PPP4R4: variants seen among roughly 807,000 people sequenced by gnomAD.
PPP4R4 encodes protein phosphatase 4 regulatory subunit 4, also known as serine/threonine-protein phosphatase 4 regulatory subunit 4.
Under a neutral mutation model 121.8 loss-of-function variants are expected in PPP4R4, and 70 were observed. The observed-to-expected ratio is 0.57, with a 90% CI of 0.47 to 0.70. The LOEUF is 0.70. PPP4R4 is among the 30% of genes least tolerant of loss of function. PPP4R4 has a pLI of 0.00. For missense variants in PPP4R4, 875 were observed against 1,033.6 expected (o/e 0.85, Z 2.10); for synonymous variants, 348 against 355.7 (o/e 0.98, Z 0.24).
At position 94,266,978 on chromosome 14, in the gene PPP4R4, T is replaced by TATA; in HGVS notation, c.2399_2401dup (p.Tyr800_Thr801insAsn). On this transcript the variant is annotated inframe_insertion, in exon 23 of 25. Transcript: ENST00000304338. ...TTCTAGTAAAAGTTCTACAACAGGA[T>TATA]ATACAACTTCTGTCTCAGGGTTAGG... 6.3e-7 allele frequency: 1 copy of TATA among 1,591,580 alleles called. No homozygotes were observed. Among genetic ancestry groups the TATA allele is most frequent in the South Asian group, 1.1e-5 (1 of 90,112 alleles).
At chr14:94,191,430 G>A (rs980039247) in intron 2 of PPP4R4, among the ~76,000 whole-genome samples, 6 of 152,116 alleles carry the variant, frequency 3.9e-5, no homozygotes, top group Non-Finnish European at 5.9e-5. Context: ...CATGTATGCA[G>A]TGTGTAATGA....
chr14:94,237,565 G>A lies in PPP4R4; in HGVS notation c.732G>A (p.Gly244=). ...RQLENIAQGI[G]TELTKSVVLP... ...TTTTCTTCTATTGCTTATTGTGCAG[G>A]ACAGAACTTACAAAAAGTGTGGTGC... The change falls in exon 8 of 25, where the codon GGG becomes GGA. Residue 244 remains glycine (G), a splice_region_variant and synonymous_variant. Transcript: ENST00000304338. 6.2e-7 allele frequency: 1 copy of A among 1,610,850 alleles called. No homozygotes were observed. Among genetic ancestry groups the A allele is most frequent in the Non-Finnish European group, 8.5e-7 (1 of 1,177,168 alleles).
intron 2 of PPP4R4, among the ~76,000 whole-genome samples, chr14:94,200,017 C>T (rs73342866): frequency 0.031 from 4,696 of 152,210 alleles, 200 homozygotes; most frequent in African/African-American, 0.09. Context: ...TGGGCACAGG[C>T]CCAGGGGTGG....
chr14:94,259,207 A>G, intron 18 of PPP4R4, 88 bp from the exon 19 acceptor site: 3 of 1,515,272 alleles, frequency 2.0e-6, no homozygotes, highest in Non-Finnish European at 1.8e-6. Flanking sequence ...ACAGAGTCAA[A>G]CCATATCATT....
chr14:94,174,490 G>A lies in PPP4R4; in HGVS notation c.25G>A (p.Ala9Thr), dbSNP rs747398216. 1.2e-6 allele frequency: 2 copies of A among 1,606,382 alleles called. No individual in the cohort carries two copies. The highest frequency in any genetic ancestry group is 1.7e-6 in the Non-Finnish European group (2 of 1,176,966). ...CATGCATCCGCCGCCGCCCGCCGCC[G>A]CGATGGATTTCAGTCAGAACAGCCT... The part of the protein sequence containing the change: MHPPPPAA[A>T]MDFSQNSLFG... Residue 9 changes from alanine (A) to threonine (T), a missense_variant, in exon 1 of 25, where the codon GCG (alanine) becomes ACG (threonine). Physicochemically the swap from Ala to Thr is moderately conservative, Grantham distance 58 (BLOSUM62 0). Coordinates refer to ENST00000304338, the MANE Select transcript of PPP4R4 (RefSeq NM_058237.2).
chr14:94,278,614 C>A lies in PPP4R4; in HGVS notation c.2598-5C>A. ...CTCTCTTCCTTCATTTCTTTCTTCC[C>A]AAAGAAAATCCAGAAAATCCAATCC... On this transcript the variant is annotated splice_polypyrimidine_tract_variant and splice_region_variant and intron_variant, in intron 24 of 24. Coordinates refer to ENST00000304338, the MANE Select transcript of PPP4R4 (RefSeq NM_058237.2). The A allele has an allele frequency of 6.3e-7, 1 of 1,580,374 alleles. No homozygotes were observed. Among genetic ancestry groups the A allele is most frequent in the East Asian group, 2.3e-5 (1 of 43,816 alleles).
At chr14:94,213,424 T>C (rs1890847227) in intron 3 of PPP4R4, among the ~76,000 whole-genome samples, 1 of 152,178 alleles carries the variant, frequency 6.6e-6, no homozygotes, top group African/African-American at 2.4e-5. Context: ...GCATGAAAAT[T>C]ACTTAAGTGG....
At chr14:94,223,377 T>C (rs1188677665) in intron 3 of PPP4R4, among the ~76,000 whole-genome samples, 1 of 152,192 alleles carries the variant, frequency 6.6e-6, no homozygotes, top group Non-Finnish European at 1.5e-5. Flanking sequence ...AATAGAGTCT[T>C]ACTTAACCTG....
chr14:94,179,499 A>G (rs1888860520), intron 2 of PPP4R4, among the ~76,000 whole-genome samples: 1 of 152,088 alleles, frequency 6.6e-6, no homozygotes. Flanking sequence ...TTTCCACTTA[A>G]TTCTTCACTT....
intron 2 of PPP4R4, among the ~76,000 whole-genome samples, chr14:94,193,177 G>T (rs1465141672): frequency 6.6e-6 from 1 of 151,932 alleles, no homozygotes; most frequent in African/African-American, 2.4e-5. Context: ...TTAACCATAT[G>T]TTTTTTAAAA....
At chr14:94,234,971 A>G (rs1892253277) in intron 7 of PPP4R4, among the ~76,000 whole-genome samples, 1 of 152,202 alleles carries the variant, frequency 6.6e-6, no homozygotes, top group Non-Finnish European at 1.5e-5. Flanking sequence ...GGGTCATTTC[A>G]GATGGGATTG....
chr14:94,233,759 C>T lies in PPP4R4; in HGVS notation c.623C>T (p.Thr208Ile), dbSNP rs377268063. 3.7e-5 allele frequency: 56 copies of T among 1,532,292 alleles called. No individual in the cohort carries two copies. The highest frequency in any genetic ancestry group is 3.4e-5 in the South Asian group (3 of 87,800). 94.9% of individuals were successfully genotyped at this position (1,532,292 alleles called of 1,614,324 possible). A position where few individuals can be genotyped will look rare whatever the true frequency, so the allele number is the denominator to read the frequency against. The change falls in exon 6 of 25, where the codon ACC becomes ATC. Residue 208 changes from threonine (T) to isoleucine (I), a missense_variant and splice_region_variant. By Grantham distance (89) the Thr-to-Ile change is moderately conservative. Transcript: ENST00000304338. ...TTGACCAACAAATTTGATGCCCACACGTGAGTATTTGTATGTAATTTTCGG... is the reference window on the plus strand; with the variant it reads ...TTGACCAACAAATTTGATGCCCACATGTGAGTATTTGTATGTAATTTTCGG... ...GKLTNKFDAHTIKREILPLVK... is the reference protein window; with the variant it reads ...GKLTNKFDAHIIKREILPLVK...
intron 2 of PPP4R4, among the ~76,000 whole-genome samples, chr14:94,192,914 C>G (rs558564656): frequency 6.6e-6 from 1 of 152,236 alleles, no homozygotes; most frequent in South Asian, 2.1e-4. Context: ...GAGCAAGGTA[C>G]AAGAATAGAT....
At chr14:94,226,171 G>C (rs1212787219) in intron 3 of PPP4R4, among the ~76,000 whole-genome samples, 1 of 152,068 alleles carries the variant, frequency 6.6e-6, no homozygotes, top group Non-Finnish European at 1.5e-5. Flanking sequence ...CAGCTGGAAG[G>C]CTCAGTTGCA....
At chr14:94,228,231 G>A (rs73342899) in intron 3 of PPP4R4, among the ~76,000 whole-genome samples, 4,740 of 152,266 alleles carry the variant, frequency 0.031, 204 homozygotes, top group African/African-American at 0.091. Flanking sequence ...CCACATGAAG[G>A]CTTAGCATTG....
intron 2 of PPP4R4, among the ~76,000 whole-genome samples, chr14:94,178,245 T>C (rs748809558): frequency 3.3e-5 from 5 of 152,124 alleles, no homozygotes; most frequent in South Asian, 2.1e-4. Context: ...TAGTTTGTAC[T>C]TTGCTGAGTC....
Position 94,214,320 on chromosome 14 carries a change from G to T in PPP4R4, c.294+5754G>T, listed in dbSNP as rs563052330. On this transcript the variant is annotated intron_variant, in intron 3 of 24. Coordinates refer to ENST00000304338, the MANE Select transcript of PPP4R4 (RefSeq NM_058237.2). ...CTTTTTGGGGGTTTGGAGAGGATTTGGGAAATATATAATAAAGAAAGGATA... is the reference window on the plus strand; with the variant it reads ...CTTTTTGGGGGTTTGGAGAGGATTTTGGAAATATATAATAAAGAAAGGATA... Among the ~76,000 whole-genome samples the T allele has an allele frequency of 6.4e-3, 966 of 152,102 alleles. 10 individuals are homozygous for T. Among genetic ancestry groups the T allele is most frequent in the African/African-American group, 0.021 (862 of 41,494 alleles).
intron 15 of PPP4R4, among the ~76,000 whole-genome samples, chr14:94,251,158 G>A (rs1480907803): frequency 2.0e-5 from 3 of 151,952 alleles, no homozygotes; most frequent in Admixed American, 6.6e-5. Flanking sequence ...GAACATTTAT[G>A]TAAAAAGTAG....
rs945157562 is a variant in PPP4R4, at chr14:94,279,335, A to G, written c.*692A>G. The G allele has an allele frequency of 6.6e-6, 1 of 152,640 alleles. No individual in the cohort carries two copies. The highest frequency in any genetic ancestry group is 1.5e-5 in the Non-Finnish European group (1 of 68,040). 9.5% of individuals were successfully genotyped at this position (152,640 alleles called of 1,614,324 possible). A position where few individuals can be genotyped will look rare whatever the true frequency, so the allele number is the denominator to read the frequency against. On this transcript the variant is annotated 3_prime_UTR_variant, in exon 25 of 25. Coordinates refer to ENST00000304338, the MANE Select transcript of PPP4R4 (RefSeq NM_058237.2). ...TTCCTAGAGAATTTATTTTATAAAT[A>G]CTTTGTTTACATTTTAGATTGTACT...
Sources: gnomAD v4.1 joint callset for allele counts (sites outside exome capture counted in the v4.1 genomes callset) on GRCh38, gnomAD v4.1.1 for gene constraint, MANE v1.5 for transcripts, NCBI Gene and HGNC (gene_info 2026-07-23, HGNC 2026-07-21) for gene names.